KCNIP4: variants seen among roughly 807,000 people sequenced by gnomAD.
The protein encoded by KCNIP4 is potassium voltage-gated channel interacting protein 4, also known as Kv channel-interacting protein 4.
A neutral mutation model predicts 34.0 loss-of-function variants in KCNIP4; 12 were observed. That is an observed-to-expected ratio of 0.35 (90% CI 0.23 to 0.57). The LOEUF is 0.57. KCNIP4 is among the 20% of genes least tolerant of loss of function. The pLI is 0.83. For missense variants in KCNIP4, 238 were observed against 311.7 expected, an observed-to-expected ratio of 0.76 and a Z score of 1.78; for synonymous variants, 124 against 102.2, an observed-to-expected ratio of 1.21 and a Z score of -1.29.
intron 1 of KCNIP4, among the ~76,000 whole-genome samples, chr4:21,500,975 G>T (rs1382144711): frequency 6.6e-6 from 1 of 151,244 alleles, no homozygotes; most frequent in Non-Finnish European, 1.5e-5. Context: ...ACAGATCAGT[G>T]TCAAAATAAA....
intron 1 of KCNIP4, among the ~76,000 whole-genome samples, chr4:21,170,832 T>A (rs1269056619): frequency 6.6e-6 from 1 of 152,206 alleles, no homozygotes; most frequent in Non-Finnish European, 1.5e-5. Context: ...ATTTTCCTAT[T>A]TCATAGATAT....
chr4:21,430,739 GGCTTAGTA>G (rs1480217260), intron 1 of KCNIP4, among the ~76,000 whole-genome samples: 3 of 139,354 alleles, frequency 2.2e-5, no homozygotes, highest in Non-Finnish European at 3.0e-5. Context: ...GTCTCAGAGA[GGCTTAGTA>G]ACTTACCCAA....
chr4:20,887,853 C>T (rs908850749), intron 1 of KCNIP4, among the ~76,000 whole-genome samples: 3 of 151,898 alleles, frequency 2.0e-5, no homozygotes, highest in African/African-American at 7.3e-5. Context: ...ATCCTGTTTT[C>T]CTTTCCTACT....
At chr4:21,319,958 C>T (rs1714195889) in intron 1 of KCNIP4, among the ~76,000 whole-genome samples, 2 of 152,090 alleles carry the variant, frequency 1.3e-5, no homozygotes, top group South Asian at 4.1e-4. Flanking sequence ...TTTGTGAAAT[C>T]CTTTTCAGTT....
intron 1 of KCNIP4, among the ~76,000 whole-genome samples, chr4:21,765,629 T>C (rs1428395036): frequency 6.6e-6 from 1 of 151,416 alleles, no homozygotes; most frequent in African/African-American, 2.4e-5. Context: ...TTCTTTTCTT[T>C]TTTTTCTTGT....
intron 1 of KCNIP4, among the ~76,000 whole-genome samples, chr4:21,606,776 T>C (rs1474709972): frequency 6.6e-6 from 1 of 152,076 alleles, no homozygotes; most frequent in East Asian, 1.9e-4. Flanking sequence ...GTATTTTTAG[T>C]AGAGATGGGG....
At chr4:21,037,776 A>T (rs1032499672) in intron 1 of KCNIP4, among the ~76,000 whole-genome samples, 1 of 152,228 alleles carries the variant, frequency 6.6e-6, no homozygotes, top group African/African-American at 2.4e-5. Context: ...AGCTTGGCAG[A>T]AAAAGGTCTC....
intron 1 of KCNIP4, among the ~76,000 whole-genome samples, chr4:21,820,281 G>GTATATATATA (rs1485869715): frequency 1.1e-4 from 2 of 17,910 alleles, no homozygotes; most frequent in Admixed American, 7.8e-4. Flanking sequence ...GTATGTGTGT[G>GTATATATATA]TGTGTATATA....
chr4:20,799,448 C>T (rs1713930856), intron 3 of KCNIP4, among the ~76,000 whole-genome samples: 2 of 152,234 alleles, frequency 1.3e-5, no homozygotes, highest in Non-Finnish European at 2.9e-5. Context: ...GACATAGTAC[C>T]TGAAGTCCCA....
At chr4:21,265,950 T>C (rs555355052) in intron 1 of KCNIP4, among the ~76,000 whole-genome samples, 1 of 152,376 alleles carries the variant, frequency 6.6e-6, no homozygotes, top group East Asian at 1.9e-4. Context: ...ATTGTTACAA[T>C]TTCTTGAGCA....
chr4:21,240,546 C>A (rs182215120), intron 1 of KCNIP4, among the ~76,000 whole-genome samples: 1 of 152,076 alleles, frequency 6.6e-6, no homozygotes, highest in East Asian at 1.9e-4. Context: ...AATTTTTTCA[C>A]CAGCAATTTT....
intron 1 of KCNIP4, among the ~76,000 whole-genome samples, chr4:21,120,314 G>A (rs569426306): frequency 2.6e-5 from 4 of 152,306 alleles, no homozygotes; most frequent in African/African-American, 9.6e-5. Flanking sequence ...CTCAGTTCTG[G>A]AAGCTGTAAG....
At chr4:21,633,662 T>C (rs1473441787) in intron 1 of KCNIP4, among the ~76,000 whole-genome samples, 1 of 152,134 alleles carries the variant, frequency 6.6e-6, no homozygotes, top group Non-Finnish European at 1.5e-5. Flanking sequence ...AACATTTTAG[T>C]CTTAGGACCT....
At chr4:20,864,255 CACACATATGTATGT>C (rs1039426863) in intron 2 of KCNIP4, among the ~76,000 whole-genome samples, 7 of 150,188 alleles carry the variant, frequency 4.7e-5, no homozygotes, top group Admixed American at 2.7e-4. Context: ...TGTATATATG[CACACATATGTATGT>C]ACACATATGT....
chr4:21,370,820 T>G (rs1196058419), intron 1 of KCNIP4, among the ~76,000 whole-genome samples: 1 of 25,388 alleles, frequency 3.9e-5, no homozygotes, highest in African/African-American at 2.4e-4. Flanking sequence ...TATATATATA[T>G]ATATATATAT....
intron 1 of KCNIP4, among the ~76,000 whole-genome samples, chr4:21,476,507 G>C (rs1487319151): frequency 6.6e-6 from 1 of 152,156 alleles, no homozygotes; most frequent in Non-Finnish European, 1.5e-5. Flanking sequence ...AAAGGTGGCT[G>C]TCTGCAAGCA....
intron 1 of KCNIP4, among the ~76,000 whole-genome samples, chr4:20,907,015 A>T (rs1211606267): frequency 6.6e-6 from 1 of 152,232 alleles, no homozygotes; most frequent in Non-Finnish European, 1.5e-5. Flanking sequence ...CATATAGAAC[A>T]GTTTCTGCCA....
chr4:20,897,490 C>T (rs970054183), intron 1 of KCNIP4, among the ~76,000 whole-genome samples: 1 of 152,048 alleles, frequency 6.6e-6, no homozygotes, highest in Non-Finnish European at 1.5e-5. Flanking sequence ...ATGTTATAGC[C>T]TAAATTGTAC....
chr4:20,777,337 C>T (rs892280880), intron 3 of KCNIP4, among the ~76,000 whole-genome samples: 3 of 152,170 alleles, frequency 2.0e-5, no homozygotes, highest in African/African-American at 7.2e-5. Context: ...AATTACCTCC[C>T]ACTGGATCCT....
Sources: allele counts gnomAD v4.1 joint callset (sites outside exome capture counted in the v4.1 genomes callset), GRCh38; gene constraint gnomAD v4.1.1; transcripts MANE v1.5; gene names NCBI Gene and HGNC (gene_info 2026-07-23, HGNC 2026-07-21).